The following ADAMTSL1 variants were observed in gnomAD, a reference collection of about 807,000 sequenced individuals.
The protein encoded by ADAMTSL1 is ADAMTS like 1.
A neutral mutation model predicts 201.8 loss-of-function variants in ADAMTSL1; 126 were observed. That is an observed-to-expected ratio of 0.62 (90% CI 0.54 to 0.72). The LOEUF (loss-of-function observed/expected upper bound fraction) is 0.72. ADAMTSL1 is among the 30% of genes least tolerant of loss of function. ADAMTSL1 has a pLI of 0.00. For synonymous variants in ADAMTSL1, 1,121 were observed against 903.4 expected, an observed-to-expected ratio of 1.24 and a Z score of -4.32; for missense variants, 2,679 against 2,277.8, an observed-to-expected ratio of 1.18 and a Z score of -3.59.
chr9:18,382,390 T>C (rs759551078), intron 2 of ADAMTSL1, among the ~76,000 whole-genome samples: 3 of 152,150 alleles, frequency 2.0e-5, no homozygotes, highest in African/African-American at 7.2e-5. Context: ...CTTGGAAATT[T>C]TAATTTTTCC....
At chr9:18,106,398 A>G (rs534676975) in intron 1 of ADAMTSL1, among the ~76,000 whole-genome samples, 3 of 152,294 alleles carry the variant, frequency 2.0e-5, no homozygotes, top group South Asian at 4.1e-4. Flanking sequence ...GCAAAGAGAG[A>G]GCTTTGTTTG....
At chr9:18,229,353 G>C (rs550922573) in intron 2 of ADAMTSL1, among the ~76,000 whole-genome samples, 2 of 152,226 alleles carry the variant, frequency 1.3e-5, no homozygotes, top group African/African-American at 4.8e-5. Context: ...AAAGGGACAT[G>C]ATTATGGTCC....
chr9:18,130,224 A>G (rs1342630977), intron 1 of ADAMTSL1, among the ~76,000 whole-genome samples: 1 of 152,060 alleles, frequency 6.6e-6, no homozygotes, highest in Non-Finnish European at 1.5e-5. Context: ...TTCACCTCGC[A>G]TTAGTCATTG....
chr9:18,864,081 C>G (rs1827365166), intron 23 of ADAMTSL1, among the ~76,000 whole-genome samples: 1 of 152,208 alleles, frequency 6.6e-6, no homozygotes, highest in African/African-American at 2.4e-5. Context: ...CCTAATCAGC[C>G]ACAGCTTTCT....
rs140257888 is a variant in ADAMTSL1 at position 18,868,946 on chromosome 9, C to A, written c.4250-18885C>A. On this transcript the variant is annotated intron_variant, in intron 23 of 28. Transcript: ENST00000380548. The stretch of plus-strand genomic sequence containing the variant: ...CTAATCTCCAGTACCTGTGGATGTG[C>A]CCTTATGTGGAAATAGGGTATTTGT... 4.3e-3 allele frequency among the ~76,000 whole-genome samples: 661 copies of A among 152,272 alleles called. 4 individuals are homozygous for A. The highest frequency in any genetic ancestry group is 5.6e-3 in the Non-Finnish European group (384 of 68,030).
intron 7 of ADAMTSL1, among the ~76,000 whole-genome samples, chr9:18,648,920 T>C (rs1275203456): frequency 1.3e-5 from 2 of 152,310 alleles, no homozygotes; most frequent in Non-Finnish European, 2.9e-5. Flanking sequence ...ATTTCCTGAA[T>C]CTGAATGTTG....
intron 1 of ADAMTSL1, among the ~76,000 whole-genome samples, chr9:17,928,570 CT>C (rs1252686915): frequency 4.6e-5 from 7 of 152,082 alleles, no homozygotes; most frequent in African/African-American, 1.7e-4. Context: ...CAATATGTTG[CT>C]AGGACATTAT....
intron 2 of ADAMTSL1, among the ~76,000 whole-genome samples, chr9:18,221,285 TG>T (rs1331955838): frequency 1.3e-5 from 2 of 152,190 alleles, no homozygotes; most frequent in Non-Finnish European, 2.9e-5. Flanking sequence ...AATTTATTTT[TG>T]TTGGTCTTTT....
At chr9:18,514,655 C>G (rs1425615207) in intron 2 of ADAMTSL1, among the ~76,000 whole-genome samples, 1 of 152,062 alleles carries the variant, frequency 6.6e-6, no homozygotes, top group African/African-American at 2.4e-5. Context: ...GATTTTGTAT[C>G]CCTCAGTTTT....
At chr9:18,407,328 G>A (rs1818247525) in intron 2 of ADAMTSL1, among the ~76,000 whole-genome samples, 1 of 152,136 alleles carries the variant, frequency 6.6e-6, no homozygotes, top group Non-Finnish European at 1.5e-5. Context: ...AGACCCAAAA[G>A]CATGAGGGAA....
At chr9:18,568,662 T>C (rs1822093355) in intron 3 of ADAMTSL1, among the ~76,000 whole-genome samples, 1 of 151,858 alleles carries the variant, frequency 6.6e-6, no homozygotes, top group Non-Finnish European at 1.5e-5. Flanking sequence ...ATTAGGACAG[T>C]GTGGAGGGGC....
chr9:18,886,419 C>G (rs1427992971), intron 23 of ADAMTSL1, among the ~76,000 whole-genome samples: 2 of 151,864 alleles, frequency 1.3e-5, no homozygotes, highest in Non-Finnish European at 2.9e-5. Context: ...AATCCCTTCT[C>G]TCTATAGTTG....
intron 2 of ADAMTSL1, among the ~76,000 whole-genome samples, chr9:18,374,534 T>C (rs1264891753): frequency 1.3e-5 from 2 of 152,066 alleles, no homozygotes; most frequent in Non-Finnish European, 2.9e-5. Flanking sequence ...GTTTTTGCCA[T>C]GTTGCCCAGG....
chr9:18,020,999 G>T (rs1424505510), intron 1 of ADAMTSL1, among the ~76,000 whole-genome samples: 1 of 152,062 alleles, frequency 6.6e-6, no homozygotes, highest in Non-Finnish European at 1.5e-5. Flanking sequence ...GCCACTCAAA[G>T]GATGGTCTGC....
intron 15 of ADAMTSL1, among the ~76,000 whole-genome samples, chr9:18,722,795 C>G (rs1833472264): frequency 6.6e-6 from 1 of 152,178 alleles, no homozygotes; most frequent in Admixed American, 6.5e-5. Context: ...AATCAGTCAG[C>G]CACTGCTTTG....
At chr9:18,134,383 A>G (rs1826071323) in intron 1 of ADAMTSL1, among the ~76,000 whole-genome samples, 1 of 152,196 alleles carries the variant, frequency 6.6e-6, no homozygotes, top group African/African-American at 2.4e-5. Context: ...CATAGCCATT[A>G]TCTAATTTTG....
intron 15 of ADAMTSL1, chr9:18,723,069 C>G (rs546699664): frequency 1.3e-6 from 1 of 779,254 alleles, no homozygotes; most frequent in Middle Eastern, 2.3e-4. Flanking sequence ...GTTAGGCAAC[C>G]AAGAGGCCTG....
intron 2 of ADAMTSL1, among the ~76,000 whole-genome samples, chr9:18,404,038 A>T (rs938261286): frequency 6.6e-6 from 1 of 152,184 alleles, no homozygotes; most frequent in Non-Finnish European, 1.5e-5. Flanking sequence ...CTTCTGTTCC[A>T]TCATTTTATG....
intron 1 of ADAMTSL1, among the ~76,000 whole-genome samples, chr9:18,113,047 A>G (rs952357466): frequency 2.0e-5 from 3 of 152,126 alleles, no homozygotes; most frequent in African/African-American, 7.2e-5. Context: ...GGAGTTAGCT[A>G]GAAGGTTGTA....
Sources: allele counts gnomAD v4.1 joint callset (sites outside exome capture counted in the v4.1 genomes callset), GRCh38; gene constraint gnomAD v4.1.1; transcripts MANE v1.5; gene names NCBI Gene and HGNC (gene_info 2026-07-23, HGNC 2026-07-21).